NPRL3: variants seen among roughly 807,000 people sequenced by gnomAD.
The protein encoded by NPRL3 is NPR3 like, GATOR1 complex subunit, also known as GATOR1 complex protein NPRL3.
In NPRL3, 23 loss-of-function variants were observed where a neutral mutation model predicts 57.2. The ratio of observed to expected loss-of-function variants is 0.40; its 90% CI spans 0.29 to 0.57. The LOEUF (loss-of-function observed/expected upper bound fraction) is 0.57, where lower values mean the gene tolerates loss of function less well. Among genes scored for constraint, NPRL3 ranks in the 20% least tolerant of loss-of-function variants. The pLI is 0.42. For missense variants in NPRL3, 691 were observed against 767.1 expected (o/e 0.90, Z 1.17); for synonymous variants, 333 against 321.1 (o/e 1.04, Z -0.39).
At chr16:112,177 G>C (rs972604998) in intron 6 of NPRL3, among the ~76,000 whole-genome samples, 1 of 152,334 alleles carries the variant, frequency 6.6e-6, no homozygotes, top group East Asian at 1.9e-4. Flanking sequence ...GCTAGGCAGA[G>C]CTGCCTCACC....
chr16:88,893 G>T lies in NPRL3; in HGVS notation c.1352-3C>A. The T allele has an allele frequency of 6.2e-7, 1 of 1,608,232 alleles. No individual in the cohort carries two copies. Among genetic ancestry groups the T allele is most frequent in the African/African-American group, 1.3e-5 (1 of 74,956 alleles). ...GAGGGTCATGTCATCGCTGCTGGCT[G>T]TGGGGGACATGGGTCAGGGTGACCA... is the stretch of plus-strand genomic sequence containing the variant. On this transcript the variant is annotated splice_polypyrimidine_tract_variant and splice_region_variant and intron_variant, in intron 12 of 13. Transcript: ENST00000611875.
Position 85,808 on chromosome 16 carries a change from A to G in NPRL3, c.*897T>C, listed in dbSNP as rs1306766118. 8 of 1,457,182 alleles carry G rather than the reference A, an allele frequency of 5.5e-6. No homozygotes were observed. The highest frequency in any genetic ancestry group is 5.4e-6 in the Non-Finnish European group (6 of 1,102,798). 90.3% of individuals were successfully genotyped at this position (1,457,182 alleles called of 1,614,324 possible). A position where few individuals can be genotyped will look rare whatever the true frequency, so the allele number is the denominator to read the frequency against. ...GGGCCTGCCCAGACAAGATTTTTTA[A>G]TTGTTTAAAAACCGAATAAATGTTT... On this transcript the variant is annotated 3_prime_UTR_variant, in exon 14 of 14. Coordinates refer to ENST00000611875, the MANE Select transcript of NPRL3 (RefSeq NM_001077350.3).
In NPRL3 at chr16:132,989, T is replaced by C. The variant is rs541829968; in HGVS notation, c.119-2398A>G. ...CGGCCCACCTTGCACTTTTACGTTATAGAGATGGTTTCTTTCCTTAAATCT... is the reference window on the plus strand; with the variant it reads ...CGGCCCACCTTGCACTTTTACGTTACAGAGATGGTTTCTTTCCTTAAATCT... On this transcript the variant is annotated intron_variant, in intron 2 of 13. Transcript: ENST00000611875. 5.3e-5 allele frequency among the ~76,000 whole-genome samples: 8 copies of C among 152,226 alleles called. No individual in the cohort carries two copies. The East Asian group carries it at 1.5e-3, about 29-fold the overall frequency.
At chr16:117,225 C>A in intron 5 of NPRL3, 76 bp downstream of exon 5, 2 of 1,038,542 alleles carry the variant, frequency 1.9e-6, no homozygotes, top group Admixed American at 2.1e-5. Context: ...GAGTCAATGA[C>A]ACGCTCGTTG....
Position 86,350 on chromosome 16 carries a change from G to A in NPRL3, c.*355C>T, listed in dbSNP as rs1436404630. On this transcript the variant is annotated 3_prime_UTR_variant, in exon 14 of 14. Coordinates refer to ENST00000611875, the MANE Select transcript of NPRL3 (RefSeq NM_001077350.3). ...AGACTGGGGGGTCCAAGGAGCAGGT[G>A]TAGGGACAGAAGGAGGGTCTGAGAA... The A allele has an allele frequency of 3.9e-6, 1 of 256,528 alleles. No individual in the cohort carries two copies. The highest frequency in any genetic ancestry group is 4.8e-5 in the Admixed American group (1 of 20,860). 15.9% of individuals were successfully genotyped at this position (256,528 alleles called of 1,614,324 possible).
At chr16:122,090 T>C (rs1394885012) in intron 3 of NPRL3, among the ~76,000 whole-genome samples, 1 of 141,128 alleles carries the variant, frequency 7.1e-6, no homozygotes, top group Admixed American at 7.4e-5. Context: ...ACAAAACAAT[T>C]GAGCGGCTTT....
intron 7 of NPRL3, among the ~76,000 whole-genome samples, chr16:101,011 A>C (rs183248440): frequency 3.3e-5 from 5 of 150,040 alleles, no homozygotes; most frequent in Non-Finnish European, 5.9e-5. Flanking sequence ...GAAGAAAGAA[A>C]AAGAGAAACA....
chr16:107,625 GA>G (rs1899596191), intron 7 of NPRL3, among the ~76,000 whole-genome samples: 1 of 148,816 alleles, frequency 6.7e-6, no homozygotes, highest in Non-Finnish European at 1.5e-5. Flanking sequence ...AGAAGAAAAA[GA>G]AATATAAAGT....
intron 4 of NPRL3, 71 bp downstream of exon 4, chr16:119,055 G>C: frequency 1.3e-6 from 2 of 1,592,656 alleles, no homozygotes; most frequent in Non-Finnish European, 1.7e-6. Flanking sequence ...CCTGCCCAAG[G>C]AGAGCCACAC....
At chr16:87,539 C>CTTTTT (rs35209663) in intron 13 of NPRL3, among the ~76,000 whole-genome samples, 1 of 145,674 alleles carries the variant, frequency 6.9e-6, no homozygotes. Flanking sequence ...GCCCAGCCTG[C>CTTTTT]TTTTTTTTTT....
intron 5 of NPRL3, among the ~76,000 whole-genome samples, chr16:115,873 G>A (rs1190061421): frequency 6.6e-6 from 1 of 152,158 alleles, no homozygotes; most frequent in African/African-American, 2.4e-5. Context: ...GCAAGAGGAT[G>A]GGCCAGTGTA....
chr16:120,738 C>T (rs1293521854), intron 3 of NPRL3, among the ~76,000 whole-genome samples: 1 of 152,146 alleles, frequency 6.6e-6, no homozygotes, highest in Non-Finnish European at 1.5e-5. Context: ...CAGCCAAGTC[C>T]TCAGCAGCCC....
intron 5 of NPRL3, among the ~76,000 whole-genome samples, chr16:113,245 G>C (rs1245887199): frequency 1.3e-5 from 2 of 152,216 alleles, no homozygotes; most frequent in African/African-American, 4.8e-5. Context: ...TCTACAATTT[G>C]TAAGAATTCA....
At chr16:122,810 C>A (rs952257889) in intron 3 of NPRL3, among the ~76,000 whole-genome samples, 3 of 152,084 alleles carry the variant, frequency 2.0e-5, no homozygotes, top group Admixed American at 6.6e-5. Flanking sequence ...CTGCTCCCCC[C>A]ACCCACCTAA....
At chr16:120,458 CAGCTCTGTAAT>C (rs552923295) in intron 3 of NPRL3, among the ~76,000 whole-genome samples, 3 of 152,200 alleles carry the variant, frequency 2.0e-5, no homozygotes, top group African/African-American at 4.8e-5. Flanking sequence ...CACTGTAGCT[CAGCTCTGTAAT>C]AGCAAATGGC....
rs529048609 is a variant in NPRL3 at position 86,656 on chromosome 16, G to T, written c.*49C>A. 27 of 1,508,002 alleles carry T rather than the reference G, an allele frequency of 1.8e-5. No individual in the cohort carries two copies. The Middle Eastern group carries it at 6.7e-4, about 37-fold the overall frequency. 93.4% of individuals were successfully genotyped at this position (1,508,002 alleles called of 1,614,324 possible). On this transcript the variant is annotated 3_prime_UTR_variant, in exon 14 of 14. Transcript: ENST00000611875. ...GGGGGGAGCCCTGGGGTGGGGAGAC[G>T]CGAGCGCCCACCTGCGCACCCCAGC...
rs1417337866 is a variant in NPRL3 at position 137,707 on chromosome 16, G to C, written c.118+443C>G. 6.6e-5 allele frequency among the ~76,000 whole-genome samples: 10 copies of C among 151,848 alleles called. No individual in the cohort carries two copies. The East Asian group carries it at 1.9e-3, about 29-fold the overall frequency. On this transcript the variant is annotated intron_variant, in intron 2 of 13. Coordinates refer to ENST00000611875, the MANE Select transcript of NPRL3 (RefSeq NM_001077350.3). Reference sequence around the variant, plus strand: ...TAGGATTATGGGCACGCACCACCACGCTCGGCTAATTTGTTTTTTTTTATT... The same window carrying C: ...TAGGATTATGGGCACGCACCACCACCCTCGGCTAATTTGTTTTTTTTTATT...
chr16:87,202 G>A (rs1020299077), intron 13 of NPRL3, among the ~76,000 whole-genome samples: 2 of 152,070 alleles, frequency 1.3e-5, no homozygotes, highest in African/African-American at 4.8e-5. Context: ...TGAGTCCCAC[G>A]TAGCTCTGGA....
At position 119,165 on chromosome 16, in the gene NPRL3, A is replaced by G. The variant is rs1263417354; in HGVS notation, c.279T>C (p.Phe93=). The part of the protein sequence containing the change: ...KFELKIDNVR[F]VGHPTLLQHA... ...GCTGTAGCAGTGTTGGGTGCCCAAC[A>G]AATCGCACATTATCAATCTTCAGTT... The change falls in exon 4 of 14, where the codon TTT becomes TTC. Residue 93 remains phenylalanine (F), a synonymous_variant. Transcript: ENST00000611875. 4.3e-6 allele frequency: 7 copies of G among 1,613,414 alleles called. No homozygotes were observed. In the South Asian group the frequency reaches 5.5e-5, roughly 13 times the overall value.
Sources: gnomAD v4.1 joint callset for allele counts (sites outside exome capture counted in the v4.1 genomes callset) on GRCh38, gnomAD v4.1.1 for gene constraint, MANE v1.5 for transcripts, NCBI Gene and HGNC (gene_info 2026-07-23, HGNC 2026-07-21) for gene names.